The following NPSR1 variants were observed in gnomAD, a reference collection of about 807,000 sequenced individuals.
The protein encoded by NPSR1 is neuropeptide S receptor.
Under a neutral mutation model 46.9 loss-of-function variants are expected in NPSR1, and 48 were observed. The ratio of observed to expected loss-of-function variants is 1.02; its 90% CI spans 0.81 to 1.30. The LOEUF (loss-of-function observed/expected upper bound fraction) is 1.30, where lower values mean the gene tolerates loss of function less well. Ranked by LOEUF, NPSR1 falls within the 50% of genes most tolerant of loss-of-function variation. The probability of loss-of-function intolerance (pLI) is 0.00; values close to 1 mark genes in which losing one functional copy is unlikely to be tolerated. For missense variants in NPSR1, 450 were observed against 449.5 expected, an observed-to-expected ratio of 1.00 and a Z score of -0.01; for synonymous variants, 176 against 168.1, an observed-to-expected ratio of 1.05 and a Z score of -0.36.
At position 34,825,315 on chromosome 7, in the gene NPSR1, C is replaced by T. The variant is rs139891062; in HGVS notation, c.479-2086C>T. On this transcript the variant is annotated intron_variant, in intron 4 of 8. Coordinates refer to ENST00000360581, the MANE Select transcript of NPSR1 (RefSeq NM_207172.2). ...CCAGTGAAGATGTTGACACTATTCT[C>T]AGTCTCTCACCTTTCATACTGTCCT... 3.4e-3 allele frequency among the ~76,000 whole-genome samples: 512 copies of T among 152,324 alleles called. 3 individuals carry two copies. The highest frequency in any genetic ancestry group is 0.012 in the African/African-American group (495 of 41,586).
intron 4 of NPSR1, among the ~76,000 whole-genome samples, chr7:34,823,149 G>A (rs1399433460): frequency 6.6e-6 from 1 of 151,990 alleles, no homozygotes; most frequent in African/African-American, 2.4e-5. Context: ...CCAGCACTTC[G>A]GGAGGCTGAG....
chr7:34,873,281 T>C (rs1447782906), intron 8 of NPSR1, among the ~76,000 whole-genome samples: 1 of 151,776 alleles, frequency 6.6e-6, no homozygotes. Context: ...CTCCAAATTC[T>C]TCCAATCTCT....
intron 5 of NPSR1, 67 bp downstream of exon 5, chr7:34,827,669 CT>C (rs1789927428): frequency 1.0e-6 from 1 of 957,382 alleles, no homozygotes; most frequent in Non-Finnish European, 1.6e-6. Flanking sequence ...GTTTCTCCAG[CT>C]GTTGCTCTCC....
intron 5 of NPSR1, among the ~76,000 whole-genome samples, chr7:34,833,802 A>G (rs2128759503): frequency 6.6e-6 from 1 of 152,222 alleles, no homozygotes; most frequent in Non-Finnish European, 1.5e-5. Flanking sequence ...AGCAGAATTC[A>G]TTTTCTTGCA....
rs138240804 is a variant in NPSR1 at position 34,811,778 on chromosome 7, G to C, written c.393G>C (p.Leu131=). 4.3e-6 allele frequency: 7 copies of C among 1,610,932 alleles called. No individual in the cohort carries two copies. The highest frequency in any genetic ancestry group is 5.9e-6 in the Non-Finnish European group (7 of 1,178,154). The change falls in exon 4 of 9, where the codon CTG becomes CTC. Residue 131 remains leucine (L), a synonymous_variant. Transcript: ENST00000360581. Reference sequence around the variant, plus strand: ...CTCATTTCTGTCTTTAGGTTGTGCTGCTCTACGCCTCTACCTACGTCCTGG... The same window carrying C: ...CTCATTTCTGTCTTTAGGTTGTGCTCCTCTACGCCTCTACCTACGTCCTGG... ...CRVVRYLQVV[L]LYASTYVLVS...
At chr7:34,697,006 T>C (rs1793564769) in intron 2 of NPSR1, among the ~76,000 whole-genome samples, 1 of 152,022 alleles carries the variant, frequency 6.6e-6, no homozygotes, top group Non-Finnish European at 1.5e-5. Context: ...AAAATGTTTA[T>C]AGGTAAACTG....
chr7:34,682,825 T>C (rs1481865579), intron 1 of NPSR1, among the ~76,000 whole-genome samples: 4 of 152,214 alleles, frequency 2.6e-5, no homozygotes, highest in East Asian at 1.9e-4. Flanking sequence ...TTATGCAGGA[T>C]ATGACCCCTC....
downstream of NPSR1, among the ~76,000 whole-genome samples, chr7:34,854,255 TAA>T (rs1791004483): frequency 6.6e-6 from 1 of 152,134 alleles, no homozygotes. Flanking sequence ...AACAGGGACA[TAA>T]AACAGCTGGG....
chr7:34,874,478 T>TG (rs1003762977), intron 8 of NPSR1, among the ~76,000 whole-genome samples: 1 of 151,764 alleles, frequency 6.6e-6, no homozygotes, highest in African/African-American at 2.4e-5. Context: ...AATTTGGGGG[T>TG]GGGGGTGTCA....
intron 3 of NPSR1, among the ~76,000 whole-genome samples, chr7:34,791,444 AT>A (rs1456519230): frequency 1.3e-5 from 2 of 150,182 alleles, no homozygotes; most frequent in East Asian, 2.0e-4. Context: ...CCAAAAAAAA[AT>A]AGAATCTATT....
chr7:34,795,392 A>T (rs1187549639), intron 3 of NPSR1, among the ~76,000 whole-genome samples: 1 of 152,134 alleles, frequency 6.6e-6, no homozygotes, highest in African/African-American at 2.4e-5. Flanking sequence ...ATTCCTTTTC[A>T]TCATTGTACA....
chr7:34,848,709 A>G (rs778720729), intron 8 of NPSR1, 46 bp downstream of exon 8: 9 of 1,543,892 alleles, frequency 5.8e-6, no homozygotes, highest in Non-Finnish European at 7.1e-6. Context: ...TGGCCATTGC[A>G]CTGGGATTCT....
At chr7:34,735,030 G>A (rs997520703) in intron 2 of NPSR1, among the ~76,000 whole-genome samples, 3 of 152,200 alleles carry the variant, frequency 2.0e-5, no homozygotes, top group African/African-American at 7.2e-5. Context: ...GCCATGGATG[G>A]ACTACTCTGG....
chr7:34,860,753 A>G (rs570450868), intron 8 of NPSR1, among the ~76,000 whole-genome samples: 34 of 151,894 alleles, frequency 2.2e-4, no homozygotes, highest in Non-Finnish European at 4.4e-4. Context: ...CAGAACAAAA[A>G]TGAAAAAGGC....
chr7:34,843,435 G>T (rs34833548), intron 6 of NPSR1, among the ~76,000 whole-genome samples: 1 of 152,272 alleles, frequency 6.6e-6, no homozygotes, highest in Non-Finnish European at 1.5e-5. Flanking sequence ...GCCAAGCCCT[G>T]GTGGCCTAAT....
At chr7:34,790,784 T>TTA (rs200555119) in intron 3 of NPSR1, among the ~76,000 whole-genome samples, 4 of 127,574 alleles carry the variant, frequency 3.1e-5, no homozygotes, top group Admixed American at 2.5e-4. Flanking sequence ...ATGTTATATG[T>TTA]TATATATATG....
chr7:34,868,822 C>T (rs1389442268), intron 8 of NPSR1, among the ~76,000 whole-genome samples: 1 of 151,540 alleles, frequency 6.6e-6, no homozygotes, highest in Non-Finnish European at 1.5e-5. Context: ...CTACTCTGTC[C>T]CCCTCTGACA....
chr7:34,825,364 C>T (rs542189785), intron 4 of NPSR1, among the ~76,000 whole-genome samples: 153 of 152,338 alleles, frequency 1.0e-3, no homozygotes, highest in Non-Finnish European at 1.6e-3. Context: ...TCGATGTCTA[C>T]ATAAACTAAG....
At chr7:34,748,773 T>C (rs1279327127) in intron 2 of NPSR1, among the ~76,000 whole-genome samples, 1 of 152,044 alleles carries the variant, frequency 6.6e-6, no homozygotes. Context: ...GGAAATATCC[T>C]GCCTGGGAGT....
Sources: allele counts gnomAD v4.1 joint callset (sites outside exome capture counted in the v4.1 genomes callset), GRCh38; gene constraint gnomAD v4.1.1; transcripts MANE v1.5; gene names NCBI Gene and HGNC (gene_info 2026-07-23, HGNC 2026-07-21).